Variants in STK32A observed in about 807,000 individuals in gnomAD.
STK32A encodes the protein serine/threonine kinase 32A.
Under a neutral mutation model 53.2 loss-of-function variants are expected in STK32A, and 41 were observed. The observed-to-expected ratio is 0.77, with a 90% CI of 0.60 to 1.00. The LOEUF (loss-of-function observed/expected upper bound fraction) is 1.00, where lower values mean the gene tolerates loss of function less well. STK32A is among the 50% of genes least tolerant of loss of function. The pLI is 0.00. For synonymous variants in STK32A, 166 were observed against 162.8 expected (o/e 1.02, Z -0.15); for missense variants, 458 against 485.8 (o/e 0.94, Z 0.54).
intron 4 of STK32A, among the ~76,000 whole-genome samples, chr5:147,317,884 T>A (rs189938766): frequency 1.3e-5 from 2 of 152,346 alleles, no homozygotes; most frequent in Admixed American, 1.3e-4. Context: ...ATTAGATAAC[T>A]GACTCATTTT....
At chr5:147,340,359 C>G (rs529150464) in intron 5 of STK32A, among the ~76,000 whole-genome samples, 17 of 152,132 alleles carry the variant, frequency 1.1e-4, no homozygotes, top group Non-Finnish European at 7.3e-5. Flanking sequence ...TGAAGCATAT[C>G]CAGGTTTATT....
At chr5:147,376,656 G>A (rs958452504) in intron 11 of STK32A, among the ~76,000 whole-genome samples, 1 of 151,960 alleles carries the variant, frequency 6.6e-6, no homozygotes, top group African/African-American at 2.4e-5. Context: ...AACCTCACAG[G>A]CCCTGCAAGT....
At position 147,383,970 on chromosome 5, in the gene STK32A, A is replaced by C; in HGVS notation, c.1178A>C (p.Asn393Thr). 2 of 1,605,438 alleles carry C rather than the reference A, an allele frequency of 1.2e-6. No homozygotes were observed. Among genetic ancestry groups the C allele is most frequent in the Non-Finnish European group, 1.7e-6 (2 of 1,177,326 alleles). ...TKDPQGEDGQ[N>T]NNL The stretch of plus-strand genomic sequence containing the variant: ...GACCCACAAGGTGAGGATGGTCAGA[A>C]TAACAACTTGTAAAGGCCTCATGTC... Residue 393 changes from asparagine to threonine, a missense_variant, in exon 13 of 13, where the codon AAT (asparagine) becomes ACT (threonine). Coordinates refer to ENST00000397936, the MANE Select transcript of STK32A (RefSeq NM_001112724.2).
At chr5:147,361,680 T>G in intron 8 of STK32A, 66 bp downstream of exon 8, 116 of 1,004,430 alleles carry the variant, frequency 1.2e-4, no homozygotes, top group Non-Finnish European at 1.6e-4. Flanking sequence ...TGAAAGAATG[T>G]ATTGTTTGCT....
chr5:147,312,010 C>T (rs890857827), intron 4 of STK32A, among the ~76,000 whole-genome samples: 2 of 152,240 alleles, frequency 1.3e-5, no homozygotes, highest in Non-Finnish European at 2.9e-5. Context: ...GAAAGACTAA[C>T]TACAGGGGAG....
intron 2 of STK32A, among the ~76,000 whole-genome samples, chr5:147,248,887 C>T (rs964333686): frequency 6.6e-6 from 1 of 152,092 alleles, no homozygotes; most frequent in African/African-American, 2.4e-5. Flanking sequence ...GTGTTAGTGG[C>T]AACCATTTGC....
At chr5:147,292,800 G>A (rs564832111) in intron 4 of STK32A, among the ~76,000 whole-genome samples, 128 of 152,188 alleles carry the variant, frequency 8.4e-4, no homozygotes, top group Admixed American at 3.2e-3. Context: ...GGTGGAGGTT[G>A]TGTTGAGCTG....
At chr5:147,235,631 C>A (rs1753279634) in intron 1 of STK32A, among the ~76,000 whole-genome samples, 1 of 152,222 alleles carries the variant, frequency 6.6e-6, no homozygotes, top group South Asian at 2.1e-4. Flanking sequence ...GATCAGCATG[C>A]CTGTACCTAG....
intron 4 of STK32A, among the ~76,000 whole-genome samples, chr5:147,285,751 TC>T (rs1752298128): frequency 7.1e-6 from 1 of 140,150 alleles, no homozygotes; most frequent in Non-Finnish European, 1.5e-5. Context: ...TCCACCTTAC[TC>T]CTGCAAGAAT....
chr5:147,291,292 TC>T (rs1408669703), intron 4 of STK32A, among the ~76,000 whole-genome samples: 1 of 152,138 alleles, frequency 6.6e-6, no homozygotes, highest in African/African-American at 2.4e-5. Flanking sequence ...GAAGTCTTAT[TC>T]CCAGATGGTC....
downstream of STK32A, chr5:147,392,396 T>C (rs557229342): frequency 2.8e-4 from 43 of 152,332 alleles, no homozygotes; most frequent in African/African-American, 1.0e-3. Flanking sequence ...TTCAACTTAT[T>C]CAAACCTGCA....
At chr5:147,311,025 T>C (rs759904348) in intron 4 of STK32A, among the ~76,000 whole-genome samples, 2 of 152,182 alleles carry the variant, frequency 1.3e-5, no homozygotes, top group Non-Finnish European at 2.9e-5. Context: ...CTGCAACCTG[T>C]TATATGATTT....
chr5:147,250,798 C>T (rs944887354), intron 2 of STK32A, among the ~76,000 whole-genome samples: 2 of 151,672 alleles, frequency 1.3e-5, no homozygotes, highest in Non-Finnish European at 2.9e-5. Context: ...AAAAATTAGC[C>T]GGGCCTGGTG....
At chr5:147,274,684 C>T (rs578222288) in intron 2 of STK32A, among the ~76,000 whole-genome samples, 13 of 152,286 alleles carry the variant, frequency 8.5e-5, no homozygotes, top group African/African-American at 3.1e-4. Context: ...CTAGTAAAAG[C>T]AGTTAGTTCC....
At chr5:147,262,721 A>G (rs1045157243) in intron 2 of STK32A, among the ~76,000 whole-genome samples, 43 of 152,286 alleles carry the variant, frequency 2.8e-4, no homozygotes, top group Middle Eastern at 3.4e-3. Context: ...ATTTAAACCC[A>G]CAAGGATGAA....
the STK32A span, among the ~76,000 whole-genome samples, chr5:147,395,388 T>C: frequency 2.0e-5 from 3 of 152,178 alleles, no homozygotes. Context: ...GGACCCCTTG[T>C]CAATTCAGGG....
the STK32A span, chr5:147,395,794 T>C: frequency 6.5e-7 from 1 of 1,546,790 alleles, no homozygotes; most frequent in African/African-American, 1.4e-5. Context: ...ATCATAAATA[T>C]ATTAGTGAAT....
At chr5:147,286,827 A>G (rs1178988515) in intron 4 of STK32A, among the ~76,000 whole-genome samples, 1 of 152,162 alleles carries the variant, frequency 6.6e-6, no homozygotes, top group Non-Finnish European at 1.5e-5. Flanking sequence ...ATTTTTAAAC[A>G]TTGTAATTAA....
intron 2 of STK32A, among the ~76,000 whole-genome samples, chr5:147,272,551 T>C (rs1428648974): frequency 6.6e-6 from 1 of 152,180 alleles, no homozygotes; most frequent in East Asian, 1.9e-4. Flanking sequence ...TATGCTCCTA[T>C]TGGAATGATA....
Sources: gnomAD v4.1 joint callset for allele counts (sites outside exome capture counted in the v4.1 genomes callset) on GRCh38, gnomAD v4.1.1 for gene constraint, MANE v1.5 for transcripts, NCBI Gene and HGNC (gene_info 2026-07-23, HGNC 2026-07-21) for gene names.